The following CACNB2 variants were observed in gnomAD, a reference collection of about 807,000 sequenced individuals.
CACNB2 encodes the protein voltage-dependent L-type calcium channel subunit beta-2.
Under a neutral mutation model 73.3 loss-of-function variants are expected in CACNB2, and 42 were observed. The ratio of observed to expected loss-of-function variants is 0.57; its 90% CI spans 0.45 to 0.74. CACNB2 has a LOEUF of 0.74. Ranked by LOEUF, CACNB2 falls within the 30% of genes least tolerant of loss-of-function variation. CACNB2 has a pLI of 0.00. For missense variants in CACNB2, 940 were observed against 853.0 expected, an observed-to-expected ratio of 1.10 and a Z score of -1.27; for synonymous variants, 348 against 310.3, an observed-to-expected ratio of 1.12 and a Z score of -1.28.
chr10:18,213,971 A>G (rs1272520718), intron 2 of CACNB2, among the ~76,000 whole-genome samples: 1 of 152,190 alleles, frequency 6.6e-6, no homozygotes, highest in Non-Finnish European at 1.5e-5. Flanking sequence ...ATTGATTTGT[A>G]TTTATTAAAG....
intron 3 of CACNB2, among the ~76,000 whole-genome samples, chr10:18,486,898 C>T (rs968487982): frequency 5.3e-5 from 8 of 151,746 alleles, no homozygotes; most frequent in African/African-American, 1.9e-4. Flanking sequence ...AGGACGTGGA[C>T]GTGGAAGAAA....
chr10:18,382,868 G>A lies in CACNB2; in HGVS notation c.214-19056G>A, dbSNP rs548309912. On this transcript the variant is annotated intron_variant, in intron 2 of 13. Transcript: ENST00000324631. Reference sequence around the variant, plus strand: ...TGTACATACGAGTGTGTGTGTCTTTGTAATAGAATGATTTATATTCCTTTG... The same window carrying A: ...TGTACATACGAGTGTGTGTGTCTTTATAATAGAATGATTTATATTCCTTTG... Among the ~76,000 whole-genome samples, 4 of 152,258 alleles carry A rather than the reference G, an allele frequency of 2.6e-5. No individual in the cohort carries two copies. The South Asian group carries it at 8.3e-4, about 32-fold the overall frequency.
At chr10:18,269,361 A>G (rs1054486082) in intron 2 of CACNB2, among the ~76,000 whole-genome samples, 1 of 152,104 alleles carries the variant, frequency 6.6e-6, no homozygotes, top group Non-Finnish European at 1.5e-5. Flanking sequence ...CTGTGATACC[A>G]CATTCTCCTG....
chr10:18,287,925 C>G (rs1258356484), intron 2 of CACNB2, among the ~76,000 whole-genome samples: 2 of 152,168 alleles, frequency 1.3e-5, no homozygotes, highest in African/African-American at 2.4e-5. Context: ...GGAGGATTCT[C>G]CCTTGCCTAC....
intron 2 of CACNB2, among the ~76,000 whole-genome samples, chr10:18,177,211 A>T (rs11012876): frequency 0.066 from 10,025 of 152,230 alleles, 359 homozygotes; most frequent in South Asian, 0.08. Context: ...ATCTCAATCC[A>T]TCAGAAGTGT....
At chr10:18,298,517 G>A (rs2131817060) in intron 2 of CACNB2, among the ~76,000 whole-genome samples, 1 of 152,332 alleles carries the variant, frequency 6.6e-6, no homozygotes, top group South Asian at 2.1e-4. Flanking sequence ...CCCAGGAATG[G>A]GAGAACCAGT....
intron 3 of CACNB2, among the ~76,000 whole-genome samples, chr10:18,492,029 C>T (rs2049465121): frequency 6.6e-6 from 1 of 151,974 alleles, no homozygotes; most frequent in Non-Finnish European, 1.5e-5. Context: ...CATCTGGCTT[C>T]TAGGGGAGGC....
chr10:18,535,564 A>C (rs967672077), intron 11 of CACNB2, among the ~76,000 whole-genome samples: 2 of 152,048 alleles, frequency 1.3e-5, no homozygotes, highest in Admixed American at 1.3e-4. Flanking sequence ...TGAGGTCAGG[A>C]GATCGAGACC....
chr10:18,235,579 A>G (rs2036410626), intron 2 of CACNB2, among the ~76,000 whole-genome samples: 1 of 152,246 alleles, frequency 6.6e-6, no homozygotes, highest in South Asian at 2.1e-4. Flanking sequence ...CTGTTTGGTT[A>G]AATGAAAAGG....
intron 2 of CACNB2, among the ~76,000 whole-genome samples, chr10:18,156,926 C>T (rs1219503073): frequency 6.6e-6 from 1 of 151,692 alleles, no homozygotes; most frequent in Admixed American, 6.6e-5. Flanking sequence ...GTAATCCCAG[C>T]TACTTGGGAG....
At chr10:18,161,782 A>T (rs2032484390) in intron 2 of CACNB2, among the ~76,000 whole-genome samples, 1 of 152,054 alleles carries the variant, frequency 6.6e-6, no homozygotes, top group Admixed American at 6.5e-5. Context: ...TTTAAAAATT[A>T]GCCGGGCATG....
intron 3 of CACNB2, among the ~76,000 whole-genome samples, chr10:18,441,460 T>C (rs1040721128): frequency 1.4e-4 from 22 of 152,144 alleles, no homozygotes; most frequent in African/African-American, 5.3e-4. Context: ...ATGGGGTTTG[T>C]TTTTCATCAA....
intron 2 of CACNB2, among the ~76,000 whole-genome samples, chr10:18,272,608 G>A (rs183811173): frequency 6.6e-6 from 1 of 152,166 alleles, no homozygotes; most frequent in Admixed American, 6.5e-5. Context: ...TTGAATCATG[G>A]GGGCAGATTT....
intron 1 of CACNB2, among the ~76,000 whole-genome samples, chr10:18,145,565 T>C (rs1283727979): frequency 6.6e-6 from 1 of 152,244 alleles, no homozygotes; most frequent in Non-Finnish European, 1.5e-5. Context: ...TCTCTTTTTA[T>C]GTGAAGACTC....
intron 3 of CACNB2, among the ~76,000 whole-genome samples, chr10:18,498,004 C>T (rs985113241): frequency 3.9e-5 from 6 of 152,146 alleles, no homozygotes; most frequent in East Asian, 1.9e-4. Flanking sequence ...TCCACTGAAA[C>T]GGAAGAACTG....
rs148083379 is a variant in CACNB2 at position 18,521,280 on chromosome 10, T to C, written c.944+2312T>C. ...ACACCAACTTCAGGACATCCACACC[T>C]GGAAGAATTTTTAAATGGTGCCTAA... On this transcript the variant is annotated intron_variant, in intron 9 of 13. Transcript: ENST00000324631. Among the ~76,000 whole-genome samples the C allele has an allele frequency of 5.3e-5, 8 of 152,346 alleles. No homozygotes were observed. The East Asian group carries it at 1.3e-3, about 26-fold the overall frequency.
chr10:18,227,424 A>C (rs892094447), intron 2 of CACNB2, among the ~76,000 whole-genome samples: 1 of 152,108 alleles, frequency 6.6e-6, no homozygotes, highest in African/African-American at 2.4e-5. Context: ...AAAATACCCC[A>C]GCTCGGAATG....
At chr10:18,203,509 T>A (rs2034970086) in intron 2 of CACNB2, among the ~76,000 whole-genome samples, 2 of 152,162 alleles carry the variant, frequency 1.3e-5, no homozygotes, top group African/African-American at 4.8e-5. Context: ...TAAAATGCTC[T>A]ATTTTTCCAC....
At chr10:18,358,253 T>C (rs1351053069) in intron 2 of CACNB2, among the ~76,000 whole-genome samples, 1 of 151,988 alleles carries the variant, frequency 6.6e-6, no homozygotes, top group African/African-American at 2.4e-5. Flanking sequence ...CGCCTGGCTA[T>C]TTTTTTGTGT....
Sources: gnomAD v4.1 joint callset for allele counts (sites outside exome capture counted in the v4.1 genomes callset) on GRCh38, gnomAD v4.1.1 for gene constraint, MANE v1.5 for transcripts, NCBI Gene and HGNC (gene_info 2026-07-23, HGNC 2026-07-21) for gene names.